The following PIK3R2 variants were observed in gnomAD, a reference collection of about 807,000 sequenced individuals.
PIK3R2 encodes phosphatidylinositol 3-kinase regulatory subunit beta.
PIK3R2 carries 40 observed loss-of-function variants against 78.5 expected under a neutral mutation model. That is an observed-to-expected ratio of 0.51 (90% CI 0.40 to 0.66). The LOEUF (loss-of-function observed/expected upper bound fraction) is 0.66. Ranked by LOEUF, PIK3R2 falls within the 30% of genes least tolerant of loss-of-function variation. The probability of loss-of-function intolerance (pLI) is 0.00; values close to 1 mark genes in which losing one functional copy is unlikely to be tolerated. For missense variants in PIK3R2, 880 were observed against 1,026.6 expected (o/e 0.86, Z 1.95); for synonymous variants, 473 against 457.7 (o/e 1.03, Z -0.43).
chr19:18,169,275 C>G lies in PIK3R2; in HGVS notation c.2168C>G (p.Pro723Arg), dbSNP rs201029925. The change falls in exon 16 of 16, where the codon CCG (proline) becomes CGG (arginine). Residue 723 changes from proline to arginine, a missense_variant. By Grantham distance (103) the Pro-to-Arg change is moderately radical. Around this residue, in one of 3 missense-constraint regions of PIK3R2, gnomAD observed 268 missense variants for 299.1 expected, o/e 0.90. Coordinates refer to ENST00000222254, the MANE Select transcript of PIK3R2 (RefSeq NM_005027.4). ...CCAGTGCGCGCCCCGGGCCCCGGCCCGCCGCCTGCCGCCCGCTGAGCACCG... is the reference window on the plus strand; with the variant it reads ...CCAGTGCGCGCCCCGGGCCCCGGCCGGCCGCCTGCCGCCCGCTGAGCACCG... Reference protein sequence around the residue: ...AHPVRAPGPGPPPAAR With the variant: ...AHPVRAPGPGRPPAAR 6.6e-7 allele frequency: 1 copy of G among 1,507,482 alleles called. No individual in the cohort carries two copies. Among genetic ancestry groups the G allele is most frequent in the Non-Finnish European group, 8.8e-7 (1 of 1,134,494 alleles). The allele number at this position is 1,507,482 out of a possible 1,614,324, so 93.4% of individuals were successfully genotyped here. A position where few individuals can be genotyped will look rare whatever the true frequency, so the allele number is the denominator to read the frequency against.
At chr19:18,155,367 G>C in intron 1 of PIK3R2, 90 bp from the exon 2 acceptor site, 1 of 356,452 alleles carries the variant, frequency 2.8e-6, no homozygotes, top group Non-Finnish European at 5.0e-6. Context: ...CAGTGATTCA[G>C]GGAATTCCAA....
rs1246062869 is a variant in PIK3R2, at chr19:18,164,950, G to A, written c.1417-1210G>A. 5.3e-5 allele frequency among the ~76,000 whole-genome samples: 8 copies of A among 149,792 alleles called. No individual in the cohort carries two copies. The South Asian group carries it at 1.5e-3, about 28-fold the overall frequency. On this transcript the variant is annotated intron_variant, in intron 11 of 15. Transcript: ENST00000222254. ...ATTTAATAAAATTAAAAGGTAGGCC[G>A]GGCACAGTGACTCATGCCAGTAATC...
Position 18,161,463 on chromosome 19 carries a change from G to A in PIK3R2, c.783G>A (p.Pro261=), listed in dbSNP as rs1192938669. 33 of 1,197,958 alleles carry A rather than the reference G, an allele frequency of 2.8e-5. No individual in the cohort carries two copies. The highest frequency in any genetic ancestry group is 3.4e-5 in the Non-Finnish European group (33 of 966,496). 74.2% of individuals were successfully genotyped at this position (1,197,958 alleles called of 1,614,324 possible). A position where few individuals can be genotyped will look rare whatever the true frequency, so the allele number is the denominator to read the frequency against. ...GPLLLRAPPP[P]SSPPPGGAPD... The stretch of plus-strand genomic sequence containing the variant: ...TGCTGCTGCGCGCGCCGCCGCCGCC[G>A]TCCTCGCCGCCGCCAGGGGGCGCTC... The change falls in exon 6 of 16, where the codon CCG becomes CCA. Residue 261 remains proline, a synonymous_variant. Coordinates refer to ENST00000222254, the MANE Select transcript of PIK3R2 (RefSeq NM_005027.4). This position sits in a 1 kb window ranked among gnomAD's most constrained non-coding sequence, Gnocchi z 5.3.
chr19:18,166,136 G>T (rs1320063457), intron 11 of PIK3R2, 24 bp from the exon 12 acceptor site: 2 of 1,613,484 alleles, frequency 1.2e-6, no homozygotes, highest in African/African-American at 2.7e-5. Flanking sequence ...CCCAGGAGGT[G>T]CTGAGCTGCG....
intron 2 of PIK3R2, among the ~76,000 whole-genome samples, chr19:18,159,827 C>G: frequency 6.6e-6 from 1 of 152,028 alleles, no homozygotes; most frequent in Middle Eastern, 3.2e-3. Context: ...CTGCAACCTC[C>G]GCCTCCCGGG....
Position 18,161,143 on chromosome 19 carries a change from G to C in PIK3R2, c.556G>C (p.Val186Leu). The change falls in exon 5 of 16, where the codon GTG (valine) becomes CTG (leucine). Residue 186 changes from valine to leucine, a missense_variant. By Grantham distance (32) the Val-to-Leu change is conservative (BLOSUM62 1). Around this residue, in one of 3 missense-constraint regions of PIK3R2, gnomAD observed 456 missense variants for 486.6 expected, o/e 0.94. Coordinates refer to ENST00000222254, the MANE Select transcript of PIK3R2 (RefSeq NM_005027.4). This position sits in a 1 kb window ranked among gnomAD's most constrained non-coding sequence, Gnocchi z 5.3. ...SFLLALPAPL[V>L]TPEASAEARR... The stretch of plus-strand genomic sequence containing the variant: ...CCTGCTGGCACTGCCCGCGCCGCTC[G>C]TGACCCCCGAGGCCTCGGCCGAGGC... 1 of 1,554,642 alleles carries C rather than the reference G, an allele frequency of 6.4e-7. No homozygotes were observed. The highest frequency in any genetic ancestry group is 8.7e-7 in the Non-Finnish European group (1 of 1,149,972).
At position 18,168,209 on chromosome 19, in the gene PIK3R2, G is replaced by T. The variant is rs1026018765; in HGVS notation, c.1737-266G>T. ...GCCTCTGGTGATGATGAGGGGCCTG[G>T]GCTGGCATCTTCTTGGGGGACTCCA... On this transcript the variant is annotated intron_variant, in intron 13 of 15. Transcript: ENST00000222254. This position sits in a 1 kb window ranked among gnomAD's most constrained non-coding sequence, Gnocchi z 4.1. 6.6e-6 allele frequency among the ~76,000 whole-genome samples: 1 copy of T among 152,182 alleles called. No homozygotes were observed. The highest frequency in any genetic ancestry group is 1.5e-5 in the Non-Finnish European group (1 of 68,022).
At chr19:18,154,848 A>G (rs273275) in intron 1 of PIK3R2, among the ~76,000 whole-genome samples, 144,927 of 151,090 alleles carry the variant, frequency 0.96, 69,536 homozygotes, top group African/African-American at 0.98. Context: ...AGGCAGAGGC[A>G]GGAGGACTGC....
At position 18,158,513 on chromosome 19, in the gene PIK3R2, C is replaced by CAAA. The variant is rs1233680425; in HGVS notation, c.323-1956_323-1955insAAA. Among the ~76,000 whole-genome samples, 688 of 146,582 alleles carry CAAA rather than the reference C, an allele frequency of 4.7e-3. 7 individuals carry two copies. The highest frequency in any genetic ancestry group is 0.016 in the African/African-American group (620 of 39,422). On this transcript the variant is annotated intron_variant, in intron 2 of 15. Coordinates refer to ENST00000222254, the MANE Select transcript of PIK3R2 (RefSeq NM_005027.4). ...CTCAAAAAAACAACAACAACAACAA[C>CAAA]AACAAAAAACGAGGAGGCCAAGGCA...
chr19:18,161,926 G>T lies in PIK3R2; in HGVS notation c.816-40G>T. 1 of 1,549,020 alleles carries T rather than the reference G, an allele frequency of 6.5e-7. No homozygotes were observed. On this transcript the variant is annotated intron_variant, in intron 6 of 15. Coordinates refer to ENST00000222254, the MANE Select transcript of PIK3R2 (RefSeq NM_005027.4). The surrounding 1 kb of genome is among the most constrained non-coding windows in gnomAD (Gnocchi z 5.3). ...TCCTGTGCACATGCGTGGGCGGACA[G>T]GCCCTACCCAGCCCTCACCACACTC...
chr19:18,158,745 C>A (rs530756668), intron 2 of PIK3R2, among the ~76,000 whole-genome samples: 3 of 152,330 alleles, frequency 2.0e-5, no homozygotes, highest in African/African-American at 7.2e-5. Flanking sequence ...GAGCCCAAAC[C>A]TGCTATATGA....
At position 18,161,255 on chromosome 19, in the gene PIK3R2, C is replaced by T; in HGVS notation, c.599-24C>T. On this transcript the variant is annotated intron_variant, in intron 5 of 15. Coordinates refer to ENST00000222254, the MANE Select transcript of PIK3R2 (RefSeq NM_005027.4). This position sits in a 1 kb window ranked among gnomAD's most constrained non-coding sequence, Gnocchi z 5.3. ...GTGGGAGGGCCCAGGCCTGGCTCAC[C>T]CTGCCCTGGCCATCTGTCCGCAGAG... 2 of 1,447,508 alleles carry T rather than the reference C, an allele frequency of 1.4e-6. No individual in the cohort carries two copies. Among genetic ancestry groups the T allele is most frequent in the South Asian group, 2.8e-5 (2 of 70,484 alleles). The allele number at this position is 1,447,508 out of a possible 1,614,324, so 89.7% of individuals were successfully genotyped here. A position where few individuals can be genotyped will look rare whatever the true frequency, so the allele number is the denominator to read the frequency against.
chr19:18,154,202 C>A (rs2043653362), intron 1 of PIK3R2, among the ~76,000 whole-genome samples: 1 of 152,162 alleles, frequency 6.6e-6, no homozygotes, highest in Non-Finnish European at 1.5e-5. Context: ...CTAGCCCTGT[C>A]CATCACAGGG....
chr19:18,162,543 CAGGTCACAG>C, intron 9 of PIK3R2, 37 bp downstream of exon 9: 1 of 1,558,426 alleles, frequency 6.4e-7, no homozygotes, highest in South Asian at 1.1e-5. Context: ...CCGGGGGTCA[CAGGTCACAG>C]AGACCGGGAG....
At position 18,168,934 on chromosome 19, in the gene PIK3R2, C is replaced by T. The variant is rs768517420; in HGVS notation, c.1979+38C>T. On this transcript the variant is annotated intron_variant, in intron 15 of 15. Coordinates refer to ENST00000222254, the MANE Select transcript of PIK3R2 (RefSeq NM_005027.4). The surrounding 1 kb of genome is among the most constrained non-coding windows in gnomAD (Gnocchi z 4.1). ...CAGCGGTGGGGATTCCCGCGTCCCT[C>T]CCAGAGCTCTCATTGAATGCCTGCC... 2.6e-5 allele frequency: 42 copies of T among 1,592,254 alleles called. No homozygotes were observed. Among genetic ancestry groups the T allele is most frequent in the African/African-American group, 5.4e-5 (4 of 74,448 alleles).
At position 18,161,313 on chromosome 19, in the gene PIK3R2, A is replaced by G; in HGVS notation, c.633A>G (p.Pro211=). The change falls in exon 6 of 16, where the codon CCA becomes CCG. Residue 211 remains proline, a synonymous_variant. Coordinates refer to ENST00000222254, the MANE Select transcript of PIK3R2 (RefSeq NM_005027.4). The surrounding 1 kb of genome is among the most constrained non-coding windows in gnomAD (Gnocchi z 5.3). ...AAGPVGPALE[P]PTLPLHRALT... The stretch of plus-strand genomic sequence containing the variant: ...GGCCCGTGGGGCCGGCGCTGGAGCC[A>G]CCGACGCTGCCGCTGCACCGCGCGC... 1 of 1,354,214 alleles carries G rather than the reference A, an allele frequency of 7.4e-7. No individual in the cohort carries two copies. Among genetic ancestry groups the G allele is most frequent in the Non-Finnish European group, 9.4e-7 (1 of 1,059,366 alleles). The allele number at this position is 1,354,214 out of a possible 1,614,324, so 83.9% of individuals were successfully genotyped here. A position where few individuals can be genotyped will look rare whatever the true frequency, so the allele number is the denominator to read the frequency against.
intron 11 of PIK3R2, 76 bp from the exon 12 acceptor site, chr19:18,166,084 T>C (rs1599984005): frequency 5.0e-6 from 8 of 1,585,726 alleles, no homozygotes; most frequent in Non-Finnish European, 6.9e-6. Context: ...CGTATCAGAG[T>C]TGAGATGTGC....
rs181604092 is a variant in PIK3R2, at chr19:18,158,988, C to T, written c.323-1483C>T. Among the ~76,000 whole-genome samples the T allele has an allele frequency of 2.8e-3, 428 of 151,722 alleles. 2 individuals carry two copies. The highest frequency in any genetic ancestry group is 9.7e-3 in the African/African-American group (400 of 41,368). On this transcript the variant is annotated intron_variant, in intron 2 of 15. Transcript: ENST00000222254. ...TCCCGAGTAGCTGGGATTACAGGCA[C>T]GTGCCACCACGCCTGGCTAATTTTT...
chr19:18,169,281 C>T lies in PIK3R2; in HGVS notation c.2174C>T (p.Pro725Leu). Residue 725 changes from proline to leucine, a missense_variant, in exon 16 of 16, where the codon CCT becomes CTT. By Grantham distance (98) the Pro-to-Leu change is moderately conservative (BLOSUM62 -3). Transcript: ENST00000222254. ...PVRAPGPGPPPAAR is the reference protein window; with the variant it reads ...PVRAPGPGPPLAAR ...CGCGCCCCGGGCCCCGGCCCGCCGC[C>T]TGCCGCCCGCTGAGCACCGAGGACC... 1.3e-6 allele frequency: 2 copies of T among 1,500,516 alleles called. No homozygotes were observed. Among genetic ancestry groups the T allele is most frequent in the Non-Finnish European group, 1.8e-6 (2 of 1,131,000 alleles). 93.0% of individuals were successfully genotyped at this position (1,500,516 alleles called of 1,614,324 possible). A position where few individuals can be genotyped will look rare whatever the true frequency, so the allele number is the denominator to read the frequency against.
Sources: allele counts gnomAD v4.1 joint callset (sites outside exome capture counted in the v4.1 genomes callset), GRCh38; gene constraint gnomAD v4.1.1; regional missense constraint gnomAD v4.1.1; non-coding constraint Gnocchi (gnomAD v3.1); transcripts MANE v1.5; gene names NCBI Gene and HGNC (gene_info 2026-07-23, HGNC 2026-07-21).